The following PRDM16 variants were observed in gnomAD, a reference collection of about 807,000 sequenced individuals.
PRDM16 encodes PR/SET domain 16, also known as histone-lysine N-methyltransferase PRDM16.
In PRDM16, 23 loss-of-function variants were observed where a neutral mutation model predicts 110.6. The ratio of observed to expected loss-of-function variants is 0.21; its 90% CI spans 0.15 to 0.29. The LOEUF (loss-of-function observed/expected upper bound fraction) is 0.29. Among genes scored for constraint, PRDM16 ranks in the 10% least tolerant of loss-of-function variants. PRDM16 has a pLI of 1.00. For synonymous variants in PRDM16, 799 were observed against 781.8 expected (o/e 1.02, Z -0.37); for missense variants, 1,615 against 1,794.3 (o/e 0.90, Z 1.81).
chr1:3,235,246 G>T (rs115462968), intron 2 of PRDM16, among the ~76,000 whole-genome samples: 2 of 152,204 alleles, frequency 1.3e-5, no homozygotes, highest in African/African-American at 4.8e-5. Flanking sequence ...AAACAGCCTC[G>T]CAGAACTTTC....
intron 3 of PRDM16, among the ~76,000 whole-genome samples, chr1:3,346,847 A>C (rs1337149768): frequency 6.6e-6 from 1 of 152,164 alleles, no homozygotes; most frequent in African/African-American, 2.4e-5. Flanking sequence ...ATGAGTGACC[A>C]TGCAACCAAG....
rs1250911818 is a variant in PRDM16, at chr1:3,069,993, T to C, written c.37+697T>C. ...TGTGGTCGTGAAGTTTATCCCCGGC[T>C]GTGCCCCGCGTGGTGGAGGGCGCTC... On this transcript the variant is annotated intron_variant, in intron 1 of 16. Coordinates refer to ENST00000270722, the MANE Select transcript of PRDM16 (RefSeq NM_022114.4). This position sits in a 1 kb window ranked among gnomAD's most constrained non-coding sequence, Gnocchi z 6.1. Among the ~76,000 whole-genome samples, 11 of 151,826 alleles carry C rather than the reference T, an allele frequency of 7.2e-5. No homozygotes were observed. The highest frequency in any genetic ancestry group is 7.2e-4 in the Admixed American group (11 of 15,262).
rs1319095509 is a variant in PRDM16 at position 3,290,090 on chromosome 1, T to C, written c.438+45953T>C. 6.6e-6 allele frequency among the ~76,000 whole-genome samples: 1 copy of C among 152,196 alleles called. No homozygotes were observed. The highest frequency in any genetic ancestry group is 1.5e-5 in the Non-Finnish European group (1 of 68,040). On this transcript the variant is annotated intron_variant, in intron 3 of 16. Coordinates refer to ENST00000270722, the MANE Select transcript of PRDM16 (RefSeq NM_022114.4). The surrounding 1 kb of genome is among the most constrained non-coding windows in gnomAD (Gnocchi z 4.8). ...GTGTGCTCGTGAGCGCAGGGTGTTT[T>C]TCCTGAATGAAAACTCACAGAGTGC...
Position 3,300,627 on chromosome 1 carries a change from G to A in PRDM16, c.438+56490G>A, listed in dbSNP as rs548932555. ...CGGAACCGCGGTGCAACTGGGGTGC[G>A]TTTGTGCCAGGGAAAATGGATTCTG... On this transcript the variant is annotated intron_variant, in intron 3 of 16. Transcript: ENST00000270722. 2.1e-4 allele frequency among the ~76,000 whole-genome samples: 32 copies of A among 152,316 alleles called. No homozygotes were observed. In the South Asian group the frequency reaches 4.6e-3, roughly 22 times the overall value.
chr1:3,429,202 C>T (rs1569782681), intron 14 of PRDM16, among the ~76,000 whole-genome samples: 2 of 152,368 alleles, frequency 1.3e-5, no homozygotes, highest in African/African-American at 4.8e-5. Context: ...GCTGTGAAAG[C>T]GTCCACGGCT....
intron 10 of PRDM16, among the ~76,000 whole-genome samples, chr1:3,415,958 C>T (rs980581600): frequency 1.3e-5 from 2 of 152,202 alleles, no homozygotes; most frequent in Non-Finnish European, 2.9e-5. Context: ...CTGGTGAGGC[C>T]CAGTTGATGG....
At chr1:3,385,308 G>T (rs1643177349) in intron 4 of PRDM16, 22 bp downstream of exon 4, 1 of 1,612,512 alleles carries the variant, frequency 6.2e-7, no homozygotes, top group Non-Finnish European at 8.5e-7. Context: ...CTCATAACAG[G>T]GGCTTCTGCC....
chr1:3,293,888 A>G (rs1641031241), intron 3 of PRDM16, among the ~76,000 whole-genome samples: 1 of 152,186 alleles, frequency 6.6e-6, no homozygotes, highest in African/African-American at 2.4e-5. Flanking sequence ...GAGGGCCTGA[A>G]GGCACCCCCG....
chr1:3,120,589 C>T (rs1643073257), intron 1 of PRDM16, among the ~76,000 whole-genome samples: 1 of 152,102 alleles, frequency 6.6e-6, no homozygotes, highest in African/African-American at 2.4e-5. Flanking sequence ...ACTCGGGAGA[C>T]CCCCACCCCT....
At chr1:3,109,537 G>T (rs1217642255) in intron 1 of PRDM16, among the ~76,000 whole-genome samples, 4 of 152,146 alleles carry the variant, frequency 2.6e-5, no homozygotes, top group Non-Finnish European at 4.4e-5. Context: ...AATACTAAAC[G>T]CTCCTGGGAG....
At chr1:3,378,620 T>A (rs1643038240) in intron 3 of PRDM16, among the ~76,000 whole-genome samples, 1 of 152,020 alleles carries the variant, frequency 6.6e-6, no homozygotes, top group Non-Finnish European at 1.5e-5. Flanking sequence ...CCCGCGGCGA[T>A]GAGCGAGGGG....
intron 3 of PRDM16, among the ~76,000 whole-genome samples, chr1:3,340,658 G>A (rs1229150777): frequency 6.6e-6 from 1 of 152,152 alleles, no homozygotes; most frequent in East Asian, 1.9e-4. Flanking sequence ...TAGCTCCATC[G>A]ATCTTATTTG....
rs541618885 is a variant in PRDM16, at chr1:3,133,960, G to A, written c.38-52165G>A. ...CTGAGAGCAGCCCCAAAGCACACAC[G>A]TGTGAGAAGGAGGCTAGAGTTTTAC... On this transcript the variant is annotated intron_variant, in intron 1 of 16. Coordinates refer to ENST00000270722, the MANE Select transcript of PRDM16 (RefSeq NM_022114.4). Among the ~76,000 whole-genome samples the A allele has an allele frequency of 4.6e-5, 7 of 152,332 alleles. No individual in the cohort carries two copies. In the South Asian group the frequency reaches 8.3e-4, roughly 18 times the overall value.
At chr1:3,126,222 C>T (rs887831053) in intron 1 of PRDM16, among the ~76,000 whole-genome samples, 7 of 152,206 alleles carry the variant, frequency 4.6e-5, no homozygotes, top group Admixed American at 3.3e-4. Context: ...GAGGCACAGT[C>T]GGTCCCCGCA....
chr1:3,138,220 C>A (rs1048434714), intron 1 of PRDM16, among the ~76,000 whole-genome samples: 1 of 152,244 alleles, frequency 6.6e-6, no homozygotes, highest in African/African-American at 2.4e-5. Flanking sequence ...TCCCTCCCAG[C>A]GCAACCACGG....
At chr1:3,252,461 CAT>C (rs145842974) in intron 3 of PRDM16, among the ~76,000 whole-genome samples, 18,540 of 152,186 alleles carry the variant, frequency 0.12, 1,507 homozygotes, top group Admixed American at 0.25. Context: ...GTGAGGGCCT[CAT>C]GTGCCCAGTG....
intron 1 of PRDM16, among the ~76,000 whole-genome samples, chr1:3,136,390 G>A (rs761579010): frequency 2.6e-5 from 4 of 152,324 alleles, no homozygotes; most frequent in East Asian, 1.9e-4. Flanking sequence ...CAGAAAGATG[G>A]ACCGACAGTC....
chr1:3,114,634 A>ACG (rs397966566), intron 1 of PRDM16, among the ~76,000 whole-genome samples: 2 of 151,426 alleles, frequency 1.3e-5, no homozygotes, highest in African/African-American at 4.9e-5. Flanking sequence ...GAACACACAC[A>ACG]TATGTGCAAG....
intron 2 of PRDM16, among the ~76,000 whole-genome samples, chr1:3,223,526 C>G (rs943311761): frequency 6.6e-6 from 1 of 152,168 alleles, no homozygotes; most frequent in Non-Finnish European, 1.5e-5. Flanking sequence ...GGGAGAAAGA[C>G]TGGCCATCCA....
Sources: allele counts gnomAD v4.1 joint callset (sites outside exome capture counted in the v4.1 genomes callset), GRCh38; gene constraint gnomAD v4.1.1; non-coding constraint Gnocchi (gnomAD v3.1); transcripts MANE v1.5; gene names NCBI Gene and HGNC (gene_info 2026-07-23, HGNC 2026-07-21).